Variants in KDM7A observed in about 807,000 individuals in gnomAD.
KDM7A encodes the protein lysine-specific demethylase 7A.
KDM7A carries 28 observed loss-of-function variants against 114.8 expected under a neutral mutation model. The observed-to-expected ratio is 0.24, with a 90% CI of 0.18 to 0.33. The LOEUF is 0.33. Among genes scored for constraint, KDM7A ranks in the 10% least tolerant of loss-of-function variants. KDM7A has a pLI of 1.00. For synonymous variants in KDM7A, 423 were observed against 397.8 expected, an observed-to-expected ratio of 1.06 and a Z score of -0.75; for missense variants, 942 against 1,142.5, an observed-to-expected ratio of 0.82 and a Z score of 2.53.
chr7:140,149,068 T>G (rs1282211981), intron 1 of KDM7A, among the ~76,000 whole-genome samples: 1 of 152,162 alleles, frequency 6.6e-6, no homozygotes, highest in African/African-American at 2.4e-5. Context: ...CTTCCAGAGT[T>G]ATTTCCAACC....
intron 1 of KDM7A, among the ~76,000 whole-genome samples, chr7:140,175,976 A>C (rs978034301): frequency 9.2e-5 from 14 of 151,782 alleles, no homozygotes; most frequent in Non-Finnish European, 1.9e-4. Context: ...CATCTGCCCC[A>C]GTCCCGGCGA....
intron 9 of KDM7A, among the ~76,000 whole-genome samples, chr7:140,114,984 C>A (rs1818499070): frequency 6.6e-6 from 1 of 151,964 alleles, no homozygotes; most frequent in Non-Finnish European, 1.5e-5. Context: ...GCAGCCGCCC[C>A]ATCCGGGAAG....
In KDM7A at chr7:140,117,805, G is replaced by C. The variant is rs114849990; in HGVS notation, c.1246+1308C>G. ...GCCAAGAAAAATAACTGAAAACACT[G>C]AATGTGTCAGGGATTCACGATAAGG... On this transcript the variant is annotated intron_variant, in intron 9 of 19. Coordinates refer to ENST00000397560, the MANE Select transcript of KDM7A (RefSeq NM_030647.2). 5.7e-3 allele frequency among the ~76,000 whole-genome samples: 867 copies of C among 152,264 alleles called. 11 individuals are homozygous for C. Among genetic ancestry groups the C allele is most frequent in the African/African-American group, 0.019 (800 of 41,548 alleles).
At chr7:140,149,126 G>C (rs1794372541) in intron 1 of KDM7A, among the ~76,000 whole-genome samples, 1 of 152,172 alleles carries the variant, frequency 6.6e-6, no homozygotes, top group Non-Finnish European at 1.5e-5. Flanking sequence ...GAGAAAGACA[G>C]TATAAAAAGG....
chr7:140,139,585 A>C (rs1050216455), intron 1 of KDM7A, among the ~76,000 whole-genome samples: 7 of 152,220 alleles, frequency 4.6e-5, no homozygotes, highest in African/African-American at 1.7e-4. Context: ...ACTTGTAAAC[A>C]GAAACATATA....
chr7:140,147,107 T>C (rs1452644655), intron 1 of KDM7A, among the ~76,000 whole-genome samples: 7 of 152,076 alleles, frequency 4.6e-5, no homozygotes, highest in African/African-American at 2.4e-5. Context: ...CAGAAAGTCC[T>C]TCAACATTTT....
chr7:140,122,795 G>C (rs1818636878), intron 7 of KDM7A, among the ~76,000 whole-genome samples: 1 of 152,182 alleles, frequency 6.6e-6, no homozygotes, highest in Admixed American at 6.5e-5. Flanking sequence ...TGTCCTAACT[G>C]TCCTGGGACA....
At chr7:140,155,506 G>C (rs921953207) in intron 1 of KDM7A, among the ~76,000 whole-genome samples, 31 of 152,296 alleles carry the variant, frequency 2.0e-4, no homozygotes, top group African/African-American at 6.5e-4. Context: ...TTCCTGGCTA[G>C]GGTCATCCTT....
At chr7:140,108,359 C>A (rs927733091) in intron 11 of KDM7A, among the ~76,000 whole-genome samples, 9 of 152,158 alleles carry the variant, frequency 5.9e-5, no homozygotes, top group Non-Finnish European at 1.3e-4. Flanking sequence ...AAGAGGCACT[C>A]TGATTTTTGG....
intron 9 of KDM7A, 102 bp from the exon 10 acceptor site, chr7:140,113,684 A>G (rs930753660): frequency 1.1e-4 from 55 of 501,326 alleles, no homozygotes; most frequent in Non-Finnish European, 1.8e-4. Context: ...ATAAAACTAT[A>G]TAACTTCCAA....
intron 1 of KDM7A, among the ~76,000 whole-genome samples, chr7:140,169,010 T>C (rs1247003161): frequency 1.3e-5 from 2 of 152,226 alleles, no homozygotes; most frequent in Admixed American, 6.5e-5. Flanking sequence ...TGTGTGCATG[T>C]GTGCAATTAG....
At chr7:140,140,253 T>C (rs1277726855) in intron 1 of KDM7A, among the ~76,000 whole-genome samples, 5 of 152,114 alleles carry the variant, frequency 3.3e-5, no homozygotes, top group Non-Finnish European at 7.4e-5. Flanking sequence ...TTTTTAACAC[T>C]AAAAATCTTA....
chr7:140,111,249 T>C (rs1818426210), intron 10 of KDM7A, 65 bp from the exon 11 acceptor site: 2 of 1,038,266 alleles, frequency 1.9e-6, no homozygotes, highest in South Asian at 2.8e-5. Flanking sequence ...TAAAAACAAA[T>C]TTACTAAACC....
intron 1 of KDM7A, among the ~76,000 whole-genome samples, chr7:140,163,974 C>T (rs1794547725): frequency 6.6e-6 from 1 of 152,166 alleles, no homozygotes; most frequent in African/African-American, 2.4e-5. Context: ...CATTCTGCAA[C>T]TGCCATGAAT....
chr7:140,099,101 C>G, intron 13 of KDM7A, 68 bp from the exon 14 acceptor site: 1 of 1,175,736 alleles, frequency 8.5e-7, no homozygotes, highest in South Asian at 1.4e-5. Context: ...ATTTATTCCC[C>G]TCTCCCTTAA....
At chr7:140,108,992 C>G (rs916568698) in intron 11 of KDM7A, among the ~76,000 whole-genome samples, 12 of 152,162 alleles carry the variant, frequency 7.9e-5, no homozygotes, top group African/African-American at 2.9e-4. Context: ...CCCCTAACCT[C>G]GCTGCCACCT....
intron 2 of KDM7A, among the ~76,000 whole-genome samples, chr7:140,135,122 T>C (rs1465151251): frequency 6.6e-6 from 1 of 151,880 alleles, no homozygotes; most frequent in Non-Finnish European, 1.5e-5. Flanking sequence ...CCTTTGCATG[T>C]TATTTTTTCT....
At chr7:140,124,902 T>TGAACCTAAA in intron 6 of KDM7A, 119 bp from the exon 7 acceptor site, 1 of 665,936 alleles carries the variant, frequency 1.5e-6, no homozygotes, top group Non-Finnish European at 2.5e-6. Flanking sequence ...CAGATTCTTT[T>TGAACCTAAA]AGGTTCAAAA....
chr7:140,137,296 T>C (rs1818887222), intron 2 of KDM7A, among the ~76,000 whole-genome samples: 1 of 152,232 alleles, frequency 6.6e-6, no homozygotes. Flanking sequence ...GTAATCAATT[T>C]AGTGAGTATA....
Sources: gnomAD v4.1 joint callset for allele counts (sites outside exome capture counted in the v4.1 genomes callset) on GRCh38, gnomAD v4.1.1 for gene constraint, MANE v1.5 for transcripts, NCBI Gene and HGNC (gene_info 2026-07-23, HGNC 2026-07-21) for gene names.